NKAIN1: variants seen among roughly 807,000 people sequenced by gnomAD.
NKAIN1 encodes sodium/potassium-transporting ATPase subunit beta-1-interacting protein 1.
NKAIN1 carries 13 observed loss-of-function variants against 31.6 expected under a neutral mutation model. The ratio of observed to expected loss-of-function variants is 0.41; its 90% CI spans 0.27 to 0.65. NKAIN1 has a LOEUF of 0.65. Among genes scored for constraint, NKAIN1 ranks in the 30% least tolerant of loss-of-function variants. The pLI is 0.30. For synonymous variants in NKAIN1, 104 were observed against 109.0 expected (o/e 0.95, Z 0.28); for missense variants, 193 against 262.2 (o/e 0.74, Z 1.82).
intron 1 of NKAIN1, among the ~76,000 whole-genome samples, chr1:31,234,992 C>T (rs1406246540): frequency 6.6e-6 from 1 of 152,110 alleles, no homozygotes; most frequent in Non-Finnish European, 1.5e-5. Flanking sequence ...TGTGGAATTG[C>T]AATAAGAAGG....
intron 4 of NKAIN1, among the ~76,000 whole-genome samples, chr1:31,182,966 T>C (rs1645214306): frequency 6.6e-6 from 1 of 152,102 alleles, no homozygotes. Flanking sequence ...TTCTTTCTTT[T>C]TTTTTTCTTC....
chr1:31,226,846 T>TA (rs960985273), intron 1 of NKAIN1, among the ~76,000 whole-genome samples: 1 of 151,950 alleles, frequency 6.6e-6, no homozygotes, highest in Non-Finnish European at 1.5e-5. Context: ...TTTCTGGAGA[T>TA]ACAGTCTTGC....
At chr1:31,199,650 A>T (rs542949688) in intron 1 of NKAIN1, among the ~76,000 whole-genome samples, 1 of 152,158 alleles carries the variant, frequency 6.6e-6, no homozygotes, top group Non-Finnish European at 1.5e-5. Context: ...CCGGGGGTCC[A>T]TCTGGGGTCA....
At chr1:31,223,878 A>G (rs566514988) in intron 1 of NKAIN1, among the ~76,000 whole-genome samples, 1 of 152,182 alleles carries the variant, frequency 6.6e-6, no homozygotes, top group Admixed American at 6.5e-5. Flanking sequence ...TGCTGAACGA[A>G]TGTTTTCTAG....
At chr1:31,215,408 C>T (rs1423360389) in intron 1 of NKAIN1, among the ~76,000 whole-genome samples, 3 of 152,294 alleles carry the variant, frequency 2.0e-5, no homozygotes, top group Non-Finnish European at 2.9e-5. Context: ...ATCTGGACAG[C>T]GCTTCACCAC....
intron 1 of NKAIN1, among the ~76,000 whole-genome samples, chr1:31,226,055 G>A (rs971254544): frequency 6.6e-6 from 1 of 152,220 alleles, no homozygotes; most frequent in Non-Finnish European, 1.5e-5. Context: ...GAATATAAAA[G>A]GTTTAGCTGA....
At chr1:31,224,365 C>A (rs997727117) in intron 1 of NKAIN1, among the ~76,000 whole-genome samples, 1 of 152,196 alleles carries the variant, frequency 6.6e-6, no homozygotes, top group Admixed American at 6.5e-5. Flanking sequence ...CAGTGTCCGC[C>A]CCACAAATGC....
rs923607854 is a variant in NKAIN1 at position 31,239,425 on chromosome 1, C to T, written c.54+69G>A. The T allele has an allele frequency of 8.0e-7, 1 of 1,250,406 alleles. No individual in the cohort carries two copies. Among genetic ancestry groups the T allele is most frequent in the Non-Finnish European group, 1.1e-6 (1 of 951,794 alleles). The allele number at this position is 1,250,406 out of a possible 1,614,324, so 77.5% of individuals were successfully genotyped here. A position where few individuals can be genotyped will look rare whatever the true frequency, so the allele number is the denominator to read the frequency against. On this transcript the variant is annotated intron_variant, in intron 1 of 6. Coordinates refer to ENST00000373736, the MANE Select transcript of NKAIN1 (RefSeq NM_024522.3). This position sits in a 1 kb window ranked among gnomAD's most constrained non-coding sequence, Gnocchi z 4.8. Reference sequence around the variant, plus strand: ...CACACAGAGACACACGCAACCCCACCCGCACGCCCTGGGACCGCGCCCCGC... The same window carrying T: ...CACACAGAGACACACGCAACCCCACTCGCACGCCCTGGGACCGCGCCCCGC...
At chr1:31,183,377 G>A (rs775580340) in intron 4 of NKAIN1, among the ~76,000 whole-genome samples, 4 of 148,948 alleles carry the variant, frequency 2.7e-5, no homozygotes, top group Non-Finnish European at 5.9e-5. Context: ...GACGGTACAG[G>A]ATATGGAAAC....
chr1:31,226,504 T>C (rs991479110), intron 1 of NKAIN1, among the ~76,000 whole-genome samples: 1 of 150,690 alleles, frequency 6.6e-6, no homozygotes, highest in Non-Finnish European at 1.5e-5. Flanking sequence ...CTCCATGGTA[T>C]GTGCTTGTTG....
chr1:31,192,992 C>T (rs950987937), intron 1 of NKAIN1, among the ~76,000 whole-genome samples: 1 of 151,160 alleles, frequency 6.6e-6, no homozygotes, highest in Non-Finnish European at 1.5e-5. Flanking sequence ...ATAGTGAGAT[C>T]CCATCTCTAT....
rs564978923 is a variant in NKAIN1 at position 31,223,687 on chromosome 1, G to A, written c.54+15807C>T. Among the ~76,000 whole-genome samples, 14 of 152,176 alleles carry A rather than the reference G, an allele frequency of 9.2e-5. No homozygotes were observed. In the South Asian group the frequency reaches 1.2e-3, roughly 14 times the overall value. Reference sequence around the variant, plus strand: ...TCCCGATCTCCTGACCTCGTGATTCGCCTGCCTCGGCCTCCCAAAGTGCTG... The same window carrying A: ...TCCCGATCTCCTGACCTCGTGATTCACCTGCCTCGGCCTCCCAAAGTGCTG... On this transcript the variant is annotated intron_variant, in intron 1 of 6. Transcript: ENST00000373736.
chr1:31,182,430 A>T, intron 5 of NKAIN1, 100 bp downstream of exon 5: 1 of 1,376,304 alleles, frequency 7.3e-7, no homozygotes, highest in Non-Finnish European at 1.0e-6. Flanking sequence ...CCCGTGGCCG[A>T]CCCTGGGCTC....
chr1:31,238,651 G>C (rs1645709552), intron 1 of NKAIN1, among the ~76,000 whole-genome samples: 1 of 152,158 alleles, frequency 6.6e-6, no homozygotes, highest in Admixed American at 6.5e-5. Flanking sequence ...GTCCTCAGAT[G>C]CTCTGGTCCT....
intron 1 of NKAIN1, among the ~76,000 whole-genome samples, chr1:31,212,910 T>C (rs558880908): frequency 2.0e-5 from 3 of 151,922 alleles, no homozygotes; most frequent in Non-Finnish European, 4.4e-5. Context: ...GGCAGGAGAA[T>C]GGTGTGAAGC....
At chr1:31,221,505 G>A (rs1008165978) in intron 1 of NKAIN1, among the ~76,000 whole-genome samples, 1 of 152,036 alleles carries the variant, frequency 6.6e-6, no homozygotes, top group Non-Finnish European at 1.5e-5. Context: ...GTGCGGTCTC[G>A]GCTCACTGCA....
At chr1:31,212,101 G>A (rs546531353) in intron 1 of NKAIN1, among the ~76,000 whole-genome samples, 2 of 152,242 alleles carry the variant, frequency 1.3e-5, no homozygotes, top group African/African-American at 2.4e-5. Context: ...CTAGCATAAG[G>A]ATAGACATAC....
chr1:31,227,919 C>T (rs1313150165), intron 1 of NKAIN1, among the ~76,000 whole-genome samples: 2 of 152,138 alleles, frequency 1.3e-5, no homozygotes, highest in Non-Finnish European at 2.9e-5. Context: ...GAGGGTTGCC[C>T]CACCTTCCTG....
intron 1 of NKAIN1, among the ~76,000 whole-genome samples, chr1:31,219,080 C>A (rs1191610756): frequency 3.9e-5 from 6 of 152,252 alleles, no homozygotes; most frequent in Non-Finnish European, 8.8e-5. Flanking sequence ...GGGTCTACCC[C>A]TCACATGCCT....
Sources: allele counts gnomAD v4.1 joint callset (sites outside exome capture counted in the v4.1 genomes callset), GRCh38; gene constraint gnomAD v4.1.1; non-coding constraint Gnocchi (gnomAD v3.1); transcripts MANE v1.5; gene names NCBI Gene and HGNC (gene_info 2026-07-23, HGNC 2026-07-21).